The following FHIT variants were observed in gnomAD, a reference collection of about 807,000 sequenced individuals.
FHIT encodes fragile histidine triad diadenosine triphosphatase, also known as bis(5'-adenosyl)-triphosphatase.
Under a neutral mutation model 17.9 loss-of-function variants are expected in FHIT, and 19 were observed. The observed-to-expected ratio is 1.06, with a 90% confidence interval of 0.74 to 1.56. FHIT has a LOEUF of 1.56. FHIT is among the 40% of genes most tolerant of loss of function. The pLI is 0.00. For synonymous variants in FHIT, 81 were observed against 69.7 expected, an observed-to-expected ratio of 1.16 and a Z score of -0.81; for missense variants, 248 against 189.2, an observed-to-expected ratio of 1.31 and a Z score of -1.82.
chr3:59,911,340 G>A (rs947967593), intron 8 of FHIT, among the ~76,000 whole-genome samples: 7 of 152,180 alleles, frequency 4.6e-5, no homozygotes, highest in African/African-American at 1.7e-4. Context: ...CATTTTGAAC[G>A]TAGAGGGGAT....
intron 3 of FHIT, among the ~76,000 whole-genome samples, chr3:60,870,339 G>A (rs1553754778): frequency 1.3e-5 from 2 of 152,264 alleles, no homozygotes; most frequent in African/African-American, 4.8e-5. Flanking sequence ...AGAAAAAGTG[G>A]TCAGTTGTAG....
chr3:61,067,307 G>T (rs9876579), intron 2 of FHIT, among the ~76,000 whole-genome samples: 91,072 of 151,966 alleles, frequency 0.6, 28,158 homozygotes, highest in Non-Finnish European at 0.65. Flanking sequence ...TACTCATGGT[G>T]ATGGTTTGTT....
intron 2 of FHIT, among the ~76,000 whole-genome samples, chr3:61,053,362 A>T (rs991705456): frequency 1.3e-5 from 2 of 152,132 alleles, no homozygotes; most frequent in Non-Finnish European, 1.5e-5. Flanking sequence ...GGGGCTTTTT[A>T]AAAAAATTGT....
intron 8 of FHIT, among the ~76,000 whole-genome samples, chr3:59,891,103 T>A (rs1225510007): frequency 6.6e-6 from 1 of 152,236 alleles, no homozygotes; most frequent in Non-Finnish European, 1.5e-5. Flanking sequence ...TGGTGGGATA[T>A]GTTCCAGCCC....
chr3:60,285,875 G>T lies in FHIT; in HGVS notation c.103+250985C>A, dbSNP rs541880713. The stretch of plus-strand genomic sequence containing the variant: ...GGGATATCCATCACCTTAAATATTT[G>T]TCTTTTCTTTATGCTAGATACATTT... On this transcript the variant is annotated intron_variant, in intron 5 of 9. Coordinates refer to ENST00000492590, the MANE Select transcript of FHIT (RefSeq NM_002012.4). Among the ~76,000 whole-genome samples, 111 of 152,210 alleles carry T rather than the reference G, an allele frequency of 7.3e-4. 1 individual carries two copies. Among genetic ancestry groups the T allele is most frequent in the African/African-American group, 2.5e-3 (105 of 41,534 alleles).
intron 8 of FHIT, among the ~76,000 whole-genome samples, chr3:59,777,899 C>T (rs752437161): frequency 6.6e-6 from 1 of 152,168 alleles, no homozygotes; most frequent in Non-Finnish European, 1.5e-5. Flanking sequence ...CAGGTTTCCC[C>T]GGGCTTACAG....
chr3:61,092,553 AC>A (rs1390881254), intron 2 of FHIT, among the ~76,000 whole-genome samples: 1 of 152,078 alleles, frequency 6.6e-6, no homozygotes, highest in Non-Finnish European at 1.5e-5. Flanking sequence ...TTGTTAAAAA[AC>A]TTCCGTATTA....
At chr3:60,848,644 C>CTT (rs1473902333) in intron 3 of FHIT, among the ~76,000 whole-genome samples, 1 of 152,096 alleles carries the variant, frequency 6.6e-6, no homozygotes, top group Non-Finnish European at 1.5e-5. Context: ...CTTTCCTGAG[C>CTT]TTTGATTTCC....
At chr3:60,912,461 G>C (rs1265344305) in intron 3 of FHIT, among the ~76,000 whole-genome samples, 1 of 152,136 alleles carries the variant, frequency 6.6e-6, no homozygotes, top group Non-Finnish European at 1.5e-5. Context: ...GTTATATAAA[G>C]GTGAGGAGTG....
At position 60,418,874 on chromosome 3, in the gene FHIT, T is replaced by C. The variant is rs116217548; in HGVS notation, c.103+117986A>G. Among the ~76,000 whole-genome samples the C allele has an allele frequency of 2.7e-3, 411 of 152,250 alleles. 2 individuals are homozygous for C. The highest frequency in any genetic ancestry group is 9.5e-3 in the African/African-American group (395 of 41,562). On this transcript the variant is annotated intron_variant, in intron 5 of 9. Coordinates refer to ENST00000492590, the MANE Select transcript of FHIT (RefSeq NM_002012.4). ...CATATTATGATGCAAATAAATGTGC[T>C]ATAATAGCCCAACTCCACATATGTG...
chr3:60,697,938 A>G (rs1017115726), intron 4 of FHIT, among the ~76,000 whole-genome samples: 1 of 152,164 alleles, frequency 6.6e-6, no homozygotes, highest in Non-Finnish European at 1.5e-5. Context: ...GCATTTGTTT[A>G]CACAGTAAAA....
chr3:60,862,851 CAAA>C (rs35183529), intron 3 of FHIT, among the ~76,000 whole-genome samples: 4 of 107,586 alleles, frequency 3.7e-5, no homozygotes, highest in African/African-American at 3.2e-5. Flanking sequence ...AACTCCCTCT[CAAA>C]AAAAAAAAAA....
intron 5 of FHIT, among the ~76,000 whole-genome samples, chr3:60,148,131 C>A (rs1231014237): frequency 1.3e-5 from 2 of 152,068 alleles, no homozygotes; most frequent in African/African-American, 4.8e-5. Flanking sequence ...GAGATAGCCA[C>A]ATTCACAAGA....
intron 4 of FHIT, among the ~76,000 whole-genome samples, chr3:60,538,542 A>G (rs1357945786): frequency 6.6e-6 from 1 of 152,260 alleles, no homozygotes; most frequent in East Asian, 1.9e-4. Context: ...TTCAAACTAT[A>G]CTACAAGGCT....
At chr3:60,369,303 G>T (rs981317596) in intron 5 of FHIT, among the ~76,000 whole-genome samples, 1 of 152,010 alleles carries the variant, frequency 6.6e-6, no homozygotes, top group African/African-American at 2.4e-5. Context: ...ATTTCTATTT[G>T]ATTTTTATAG....
rs79887153 is a variant in FHIT, at chr3:60,446,403, T to G, written c.103+90457A>C. Among the ~76,000 whole-genome samples the G allele has an allele frequency of 9.2e-3, 1,396 of 152,192 alleles. 15 individuals carry two copies. The highest frequency in any genetic ancestry group is 0.028 in the East Asian group (146 of 5,168). On this transcript the variant is annotated intron_variant, in intron 5 of 9. Coordinates refer to ENST00000492590, the MANE Select transcript of FHIT (RefSeq NM_002012.4). The stretch of plus-strand genomic sequence containing the variant: ...AAATGGGGCGTTACTTTCATCCAAT[T>G]TGGAATTGAGTTGACTCAAAGCTGG...
intron 4 of FHIT, among the ~76,000 whole-genome samples, chr3:60,609,962 C>A (rs1403856466): frequency 6.6e-6 from 1 of 152,204 alleles, no homozygotes; most frequent in East Asian, 1.9e-4. Context: ...TTAATTGGTG[C>A]TATAATCTGA....
At chr3:60,567,933 G>C (rs567212472) in intron 4 of FHIT, among the ~76,000 whole-genome samples, 282 of 152,256 alleles carry the variant, frequency 1.9e-3, no homozygotes, top group Non-Finnish European at 3.4e-3. Context: ...AGTTAGAATG[G>C]CAATCATTAA....
At chr3:60,170,912 A>G (rs538709213) in intron 5 of FHIT, among the ~76,000 whole-genome samples, 1 of 152,324 alleles carries the variant, frequency 6.6e-6, no homozygotes, top group Admixed American at 6.5e-5. Flanking sequence ...AGAACAAGGC[A>G]TGCAATCTCA....
Sources: allele counts gnomAD v4.1 joint callset (sites outside exome capture counted in the v4.1 genomes callset), GRCh38; gene constraint gnomAD v4.1.1; transcripts MANE v1.5; gene names NCBI Gene and HGNC (gene_info 2026-07-23, HGNC 2026-07-21).